COMMD10: variants seen among roughly 807,000 people sequenced by gnomAD.
COMMD10 encodes the protein COMM domain containing 10, also known as COMM domain-containing protein 10.
COMMD10 carries 33 observed loss-of-function variants against 28.9 expected under a neutral mutation model. The observed-to-expected ratio is 1.14, with a 90% confidence interval of 0.87 to 1.53. The LOEUF (loss-of-function observed/expected upper bound fraction) is 1.53, where lower values mean the gene tolerates loss of function less well. Ranked by LOEUF, COMMD10 falls within the 40% of genes most tolerant of loss-of-function variation. The pLI is 0.00. For missense variants in COMMD10, 310 were observed against 233.4 expected (o/e 1.33, Z -2.14); for synonymous variants, 110 against 81.7 (o/e 1.35, Z -1.87).
intron 5 of COMMD10, among the ~76,000 whole-genome samples, chr5:116,196,495 A>C (rs1748525500): frequency 7.1e-6 from 1 of 139,972 alleles, no homozygotes; most frequent in Non-Finnish European, 1.5e-5. Flanking sequence ...AACTTATGGA[A>C]AAATAAATAT....
intron 4 of COMMD10, among the ~76,000 whole-genome samples, chr5:116,104,467 G>T (rs1238216477): frequency 6.6e-6 from 1 of 151,996 alleles, no homozygotes; most frequent in East Asian, 1.9e-4. Context: ...GGTGTATAGG[G>T]ATGCTTGTGA....
intron 5 of COMMD10, among the ~76,000 whole-genome samples, chr5:116,229,855 C>A (rs142447723): frequency 1.3e-4 from 19 of 151,746 alleles, no homozygotes; most frequent in Middle Eastern, 3.2e-3. Flanking sequence ...GATGAAAAAA[C>A]CCCCAGCAAT....
intron 4 of COMMD10, among the ~76,000 whole-genome samples, chr5:116,130,026 G>C (rs1278679091): frequency 6.6e-6 from 1 of 151,142 alleles, no homozygotes; most frequent in Non-Finnish European, 1.5e-5. Flanking sequence ...TTATTACTCT[G>C]TCATATGGCC....
At chr5:116,172,340 G>GGGAAGGAGTACTCAGACAT (rs1753362935) in intron 5 of COMMD10, among the ~76,000 whole-genome samples, 2 of 152,128 alleles carry the variant, frequency 1.3e-5, no homozygotes, top group African/African-American at 4.8e-5. Flanking sequence ...TACTCAGACA[G>GGGAAGGAGTACTCAGACAT]AGGGAGCGAG....
intron 5 of COMMD10, among the ~76,000 whole-genome samples, chr5:116,165,863 T>G (rs975886048): frequency 2.0e-5 from 3 of 152,144 alleles, no homozygotes; most frequent in Non-Finnish European, 2.9e-5. Flanking sequence ...CACTGCTGTT[T>G]AGGGCTATAA....
At chr5:116,109,911 A>G (rs536463602) in intron 4 of COMMD10, among the ~76,000 whole-genome samples, 91 of 152,320 alleles carry the variant, frequency 6.0e-4, no homozygotes, top group Middle Eastern at 3.4e-3. Flanking sequence ...TACTATGTTA[A>G]ATAGGAGTAG....
intron 5 of COMMD10, among the ~76,000 whole-genome samples, chr5:116,268,128 A>T (rs1052861845): frequency 6.6e-6 from 1 of 151,978 alleles, no homozygotes. Context: ...GAGCTTCTGC[A>T]CAGCAAAAGA....
At chr5:116,178,236 A>AT (rs1747811044) in intron 5 of COMMD10, among the ~76,000 whole-genome samples, 2 of 152,096 alleles carry the variant, frequency 1.3e-5, no homozygotes. Context: ...TTTTATTCTC[A>AT]TTAGTATTAT....
chr5:116,251,372 A>T (rs1268330439), intron 5 of COMMD10, among the ~76,000 whole-genome samples: 1 of 147,428 alleles, frequency 6.8e-6, no homozygotes, highest in Admixed American at 6.8e-5. Flanking sequence ...TACATGTGCC[A>T]TGCTGGTGTG....
intron 4 of COMMD10, among the ~76,000 whole-genome samples, chr5:116,105,825 T>A (rs1401590233): frequency 3.3e-5 from 5 of 152,186 alleles, no homozygotes; most frequent in Non-Finnish European, 5.9e-5. Context: ...CATTTTCTAT[T>A]GTGTGTATTT....
intron 5 of COMMD10, among the ~76,000 whole-genome samples, chr5:116,224,102 C>T (rs954149981): frequency 3.9e-5 from 6 of 152,132 alleles, no homozygotes; most frequent in African/African-American, 1.4e-4. Context: ...CTTTCTGTTT[C>T]TTAATCCAGG....
At chr5:116,092,782 A>T (rs1255955929) in intron 4 of COMMD10, 82 bp downstream of exon 4, 11 of 1,086,906 alleles carry the variant, frequency 1.0e-5, no homozygotes, top group Middle Eastern at 2.2e-4. Context: ...TAAAGTGATA[A>T]TATTTTGTTG....
intron 5 of COMMD10, among the ~76,000 whole-genome samples, chr5:116,184,227 T>TC (rs1343664546): frequency 6.6e-6 from 1 of 151,996 alleles, no homozygotes; most frequent in African/African-American, 2.4e-5. Context: ...TCTCTTTTTT[T>TC]TTTTAATCCA....
At chr5:116,209,099 A>C (rs910376385) in intron 5 of COMMD10, among the ~76,000 whole-genome samples, 1 of 152,088 alleles carries the variant, frequency 6.6e-6, no homozygotes, top group African/African-American at 2.4e-5. Flanking sequence ...AAAGCCTTTT[A>C]AAGCGATACG....
chr5:116,255,682 C>T (rs969639397), intron 5 of COMMD10: 1 of 151,434 alleles, frequency 6.6e-6, no homozygotes, highest in Non-Finnish European at 1.5e-5. Context: ...ATAGCATAAG[C>T]TAACACTGTT....
chr5:116,290,614 C>G (rs2112717849), intron 5 of COMMD10, among the ~76,000 whole-genome samples: 1 of 152,014 alleles, frequency 6.6e-6, no homozygotes, highest in South Asian at 2.1e-4. Flanking sequence ...GACCATGTGG[C>G]TCAATTTTGC....
At position 116,250,976 on chromosome 5, in the gene COMMD10, TG is replaced by T. The variant is rs147592404; in HGVS notation, c.511-40535del. 7.9e-5 allele frequency among the ~76,000 whole-genome samples: 12 copies of T among 152,052 alleles called. No homozygotes were observed. In the South Asian group the frequency reaches 2.5e-3, roughly 32 times the overall value. Reference sequence around the variant, plus strand: ...AAGCCTACATTATTCTGGCTTGGGTTGGGGGGTGCAGTTTTCCTACCAGTTC... The same window carrying T: ...AAGCCTACATTATTCTGGCTTGGGTTGGGGGTGCAGTTTTCCTACCAGTTC... On this transcript the variant is annotated intron_variant, in intron 5 of 6. Transcript: ENST00000274458.
intron 5 of COMMD10, among the ~76,000 whole-genome samples, chr5:116,220,303 C>A (rs1749215017): frequency 6.6e-6 from 1 of 152,098 alleles, no homozygotes; most frequent in Non-Finnish European, 1.5e-5. Context: ...GGAGTGAAGA[C>A]TACGTGAATT....
At chr5:116,108,025 G>A (rs1750900340) in intron 4 of COMMD10, among the ~76,000 whole-genome samples, 1 of 152,200 alleles carries the variant, frequency 6.6e-6, no homozygotes, top group Non-Finnish European at 1.5e-5. Flanking sequence ...AAAGATTGCT[G>A]CCTCTTGCTT....
Sources: gnomAD v4.1 joint callset for allele counts (sites outside exome capture counted in the v4.1 genomes callset) on GRCh38, gnomAD v4.1.1 for gene constraint, MANE v1.5 for transcripts, NCBI Gene and HGNC (gene_info 2026-07-23, HGNC 2026-07-21) for gene names.